Variants in KIF21B observed in about 807,000 individuals in gnomAD.
The protein encoded by KIF21B is kinesin-like protein KIF21B.
KIF21B carries 85 observed loss-of-function variants against 192.9 expected under a neutral mutation model. The observed-to-expected ratio is 0.44, with a 90% CI of 0.37 to 0.53. The LOEUF (loss-of-function observed/expected upper bound fraction) is 0.53, where lower values mean the gene tolerates loss of function less well. Among genes scored for constraint, KIF21B ranks in the 20% least tolerant of loss-of-function variants. The probability of loss-of-function intolerance (pLI) is 0.00; values close to 1 mark genes in which losing one functional copy is unlikely to be tolerated. For missense variants in KIF21B, 1,716 were observed against 2,194.8 expected, an observed-to-expected ratio of 0.78 and a Z score of 4.36; for synonymous variants, 832 against 884.6, an observed-to-expected ratio of 0.94 and a Z score of 1.05.
At position 200,999,005 on chromosome 1, in the gene KIF21B, T is replaced by C. The variant is rs1196954752; in HGVS notation, c.1885+344A>G. On this transcript the variant is annotated intron_variant, in intron 13 of 34. Coordinates refer to ENST00000461742, the MANE Select transcript of KIF21B (RefSeq NM_001252102.2). This position sits in a 1 kb window ranked among gnomAD's most constrained non-coding sequence, Gnocchi z 4.7. ...TTGGCACCAGTCAGGCCTACATTCA[T>C]GTTTGCTCTGCATGGACCACACTGG... Among the ~76,000 whole-genome samples the C allele has an allele frequency of 5.3e-5, 8 of 152,136 alleles. No homozygotes were observed. The highest frequency in any genetic ancestry group is 1.2e-4 in the Non-Finnish European group (8 of 68,022).
At chr1:200,993,325 C>T (rs1656826380) in intron 15 of KIF21B, among the ~76,000 whole-genome samples, 1 of 152,202 alleles carries the variant, frequency 6.6e-6, no homozygotes, top group South Asian at 2.1e-4. Context: ...CCTCTGGTCA[C>T]CTTGGGCAAG....
chr1:200,988,419 C>A, intron 23 of KIF21B, 66 bp from the exon 24 acceptor site: 2 of 1,610,870 alleles, frequency 1.2e-6, no homozygotes, highest in Non-Finnish European at 1.7e-6. Context: ...AGCCCTGGGA[C>A]CTATGGCAAC....
rs763532561 is a variant in KIF21B at position 200,999,981 on chromosome 1, G to C, written c.1686-17C>G. The C allele has an allele frequency of 1.2e-6, 2 of 1,612,610 alleles. No individual in the cohort carries two copies. Among genetic ancestry groups the C allele is most frequent in the Non-Finnish European group, 1.7e-6 (2 of 1,179,260 alleles). On this transcript the variant is annotated splice_polypyrimidine_tract_variant and intron_variant, in intron 11 of 34. Coordinates refer to ENST00000461742, the MANE Select transcript of KIF21B (RefSeq NM_001252102.2). This position sits in a 1 kb window ranked among gnomAD's most constrained non-coding sequence, Gnocchi z 4.7. The stretch of plus-strand genomic sequence containing the variant: ...TTCTCGGGGCTGCTCAGGGAGGACA[G>C]GGAAGCTGGATTAGGAAGGCTGCCC...
At chr1:200,989,000 T>A in intron 21 of KIF21B, 69 bp from the exon 22 acceptor site, 1 of 1,468,774 alleles carries the variant, frequency 6.8e-7, no homozygotes, top group South Asian at 1.3e-5. Flanking sequence ...TCACACAACC[T>A]GCACCCCTCA....
Position 201,004,481 on chromosome 1 carries a change from A to G in KIF21B, c.901-26T>C, listed in dbSNP as rs1339791767. The G allele has an allele frequency of 3.9e-6, 6 of 1,540,010 alleles. No individual in the cohort carries two copies. In the East Asian group the frequency reaches 9.5e-5, roughly 24 times the overall value. On this transcript the variant is annotated intron_variant, in intron 6 of 34. Transcript: ENST00000461742. ...CTGTGGGAGACAGACCCTGGCACTCAGCAGTCACTCAGGGAGCGAAGGGTA... is the reference window on the plus strand; with the variant it reads ...CTGTGGGAGACAGACCCTGGCACTCGGCAGTCACTCAGGGAGCGAAGGGTA...
chr1:201,023,307 T>G lies in KIF21B; in HGVS notation c.41+36A>C. 1 of 1,513,370 alleles carries G rather than the reference T, an allele frequency of 6.6e-7. No individual in the cohort carries two copies. The highest frequency in any genetic ancestry group is 1.2e-5 in the South Asian group (1 of 81,106). 93.7% of individuals were successfully genotyped at this position (1,513,370 alleles called of 1,614,324 possible). A position where few individuals can be genotyped will look rare whatever the true frequency, so the allele number is the denominator to read the frequency against. The stretch of plus-strand genomic sequence containing the variant: ...CCCACGCGAGACAAAGCCCGAGGCT[T>G]CTCCGCGCGCCCCCTTCCCCGCCCC... On this transcript the variant is annotated intron_variant, in intron 1 of 34. Coordinates refer to ENST00000461742, the MANE Select transcript of KIF21B (RefSeq NM_001252102.2). The surrounding 1 kb of genome is among the most constrained non-coding windows in gnomAD (Gnocchi z 5.9).
At chr1:201,014,379 C>G (rs1352760628) in intron 1 of KIF21B, among the ~76,000 whole-genome samples, 1 of 152,214 alleles carries the variant, frequency 6.6e-6, no homozygotes, top group Non-Finnish European at 1.5e-5. Flanking sequence ...GAGCTGAGCT[C>G]AGCGGATCCT....
At position 200,999,349 on chromosome 1, in the gene KIF21B, C is replaced by T. The variant is rs747157519; in HGVS notation, c.1885G>A (p.Glu629Lys). 2 of 1,614,112 alleles carry T rather than the reference C, an allele frequency of 1.2e-6. No individual in the cohort carries two copies. ...CAGCCCACAGCTCAGGCCCACGCAC[C>T]CTTCTCCTCGGGGTCTGAGTCTGAG... ...VDSDSDPEEK[E>K]VNFQADLADL... The change falls in exon 13 of 35, where the codon GAG (glutamate) becomes AAG (lysine). Residue 629 changes from glutamate (E) to lysine (K), a missense_variant and splice_region_variant. Glu to Lys is a moderately conservative substitution (Grantham distance 56). Transcript: ENST00000461742. This position sits in a 1 kb window ranked among gnomAD's most constrained non-coding sequence, Gnocchi z 4.7.
chr1:200,989,515 C>T (rs937570422), intron 21 of KIF21B, among the ~76,000 whole-genome samples: 7 of 152,178 alleles, frequency 4.6e-5, no homozygotes, highest in African/African-American at 9.7e-5. Flanking sequence ...CAAGAAATGT[C>T]GAGGGACACC....
At chr1:200,974,015 A>G (rs558508558) in intron 34 of KIF21B, 2 of 1,566,680 alleles carry the variant, frequency 1.3e-6, no homozygotes, top group Admixed American at 1.9e-5. Flanking sequence ...GTTAAGAAGC[A>G]GCTCAGATCG....
At position 200,989,926 on chromosome 1, in the gene KIF21B, T is replaced by C. The variant is rs950639927; in HGVS notation, c.3132+16A>G. 1.1e-5 allele frequency: 18 copies of C among 1,604,750 alleles called. No individual in the cohort carries two copies. The highest frequency in any genetic ancestry group is 3.3e-5 in the Admixed American group (2 of 60,004). ...GTGCCCATAGAGCCCCCTGCCCATG[T>C]ACGCTCCCAGCTTACCTTGTCAATG... On this transcript the variant is annotated intron_variant, in intron 21 of 34. Transcript: ENST00000461742.
intron 14 of KIF21B, 148 bp from the exon 15 acceptor site, chr1:200,996,543 T>C: frequency 4.4e-6 from 3 of 686,060 alleles, no homozygotes; most frequent in Non-Finnish European, 7.5e-6. Flanking sequence ...GCCTGTTTCA[T>C]CATTTGAATG....
intron 32 of KIF21B, 127 bp downstream of exon 32, chr1:200,976,649 G>T: frequency 5.4e-6 from 3 of 552,096 alleles, no homozygotes; most frequent in South Asian, 3.3e-5. Flanking sequence ...GCCTTCTTTG[G>T]GGTGATTTCT....
At chr1:200,993,154 C>A (rs1204253150) in intron 15 of KIF21B, among the ~76,000 whole-genome samples, 1 of 152,244 alleles carries the variant, frequency 6.6e-6, no homozygotes, top group Non-Finnish European at 1.5e-5. Flanking sequence ...ACCATTAGTG[C>A]GGCCGGAGGC....
At position 201,023,315 on chromosome 1, in the gene KIF21B, CG is replaced by C; in HGVS notation, c.41+27del. On this transcript the variant is annotated intron_variant, in intron 1 of 34. Coordinates refer to ENST00000461742, the MANE Select transcript of KIF21B (RefSeq NM_001252102.2). The surrounding 1 kb of genome is among the most constrained non-coding windows in gnomAD (Gnocchi z 5.9). ...AGACAAAGCCCGAGGCTTCTCCGCGCGCCCCCTTCCCCGCCCCGGGTCCCTA... is the reference window on the plus strand; with the variant it reads ...AGACAAAGCCCGAGGCTTCTCCGCGCCCCCCTTCCCCGCCCCGGGTCCCTA... 1.3e-6 allele frequency: 2 copies of C among 1,519,030 alleles called. No individual in the cohort carries two copies. Among genetic ancestry groups the C allele is most frequent in the South Asian group, 2.5e-5 (2 of 81,388 alleles). The allele number at this position is 1,519,030 out of a possible 1,614,324, so 94.1% of individuals were successfully genotyped here. A position where few individuals can be genotyped will look rare whatever the true frequency, so the allele number is the denominator to read the frequency against.
chr1:200,997,925 C>G (rs1374909168), intron 14 of KIF21B, among the ~76,000 whole-genome samples: 1 of 152,204 alleles, frequency 6.6e-6, no homozygotes, highest in East Asian at 1.9e-4. Context: ...TCCAATATCT[C>G]TAGCACTAGA....
intron 3 of KIF21B, 76 bp downstream of exon 3, chr1:201,008,693 C>T (rs1325436124): frequency 4.4e-6 from 6 of 1,376,786 alleles, no homozygotes; most frequent in Non-Finnish European, 4.9e-6. Context: ...TTCCACTGCA[C>T]TGGAGGAAGG....
At position 200,987,103 on chromosome 1, in the gene KIF21B, G is replaced by C; in HGVS notation, c.3507C>G (p.Ala1169=). 2 of 1,614,064 alleles carry C rather than the reference G, an allele frequency of 1.2e-6. No homozygotes were observed. Among genetic ancestry groups the C allele is most frequent in the Non-Finnish European group, 1.7e-6 (2 of 1,180,004 alleles). The change falls in exon 25 of 35, where the codon GCC becomes GCG. Residue 1169 remains alanine (A), a synonymous_variant. Transcript: ENST00000461742. ...ISTKNITKSL[A]SLVEIKEDGV... ...CGTCCTCTTTGATCTCAACGAGGGA[G>C]GCCAGGGACTTGGTGATGTTCTTGG...
Position 200,975,778 on chromosome 1 carries a change from C to T in KIF21B, c.4444-109G>A. The T allele has an allele frequency of 4.5e-6, 5 of 1,109,418 alleles. No individual in the cohort carries two copies. The South Asian group carries it at 4.9e-5, about 11-fold the overall frequency. The allele number at this position is 1,109,418 out of a possible 1,614,324, so 68.7% of individuals were successfully genotyped here. ...AGACCCAGGAGTCTGGCTAGGGTGA[C>T]AGCCACTGCCCTCTGGGGAGAGGAG... On this transcript the variant is annotated intron_variant, in intron 32 of 34. Transcript: ENST00000461742. This position sits in a 1 kb window ranked among gnomAD's most constrained non-coding sequence, Gnocchi z 4.3.
Sources: gnomAD v4.1 joint callset for allele counts (sites outside exome capture counted in the v4.1 genomes callset) on GRCh38, gnomAD v4.1.1 for gene constraint, Gnocchi (gnomAD v3.1) non-coding constraint, MANE v1.5 for transcripts, NCBI Gene and HGNC (gene_info 2026-07-23, HGNC 2026-07-21) for gene names.